Variants in MAS1 observed in about 807,000 individuals in gnomAD.
MAS1 encodes the protein MAS1 proto-oncogene, G protein-coupled receptor.
For synonymous variants in MAS1, 163 were observed against 164.2 expected, an observed-to-expected ratio of 0.99 and a Z score of 0.05; for missense variants, 387 against 409.7, an observed-to-expected ratio of 0.94 and a Z score of 0.48.
chr6:159,907,724 AC>A lies in MAS1; in HGVS notation c.771del (p.Phe258LeufsTer38), dbSNP rs1782912884. The A allele has an allele frequency of 6.2e-7, 1 of 1,613,464 alleles. No homozygotes were observed. The highest frequency in any genetic ancestry group is 8.5e-7 in the Non-Finnish European group (1 of 1,179,924). On this transcript the variant is annotated frameshift_variant, in exon 3 of 3. Transcript: ENST00000674077. LOFTEE classifies it low-confidence loss of function (END_TRUNC). ...CCTGCTGTACTATGAGTATTGGTCGACCTTTGGGAACCTACACCACATTTCC... is the reference window on the plus strand; with the variant it reads ...CCTGCTGTACTATGAGTATTGGTCGACTTTGGGAACCTACACCACATTTCC... ...LYLLYYEYWS[T>X]FGNLHHISLL...
At chr6:159,892,968 C>T (rs1782717459) in intron 1 of MAS1, among the ~76,000 whole-genome samples, 1 of 152,172 alleles carries the variant, frequency 6.6e-6, no homozygotes, top group African/African-American at 2.4e-5. Context: ...GGACTTGCCT[C>T]TCATGGTCAG....
At chr6:159,903,655 T>C (rs1210281923) in intron 2 of MAS1, among the ~76,000 whole-genome samples, 1 of 152,048 alleles carries the variant, frequency 6.6e-6, no homozygotes, top group Non-Finnish European at 1.5e-5. Flanking sequence ...CACAACCACA[T>C]CTACCCACCT....
rs1341232031 is a variant in MAS1, at chr6:159,909,754, G to T, written c.*1821G>T. ...TCGTCTCATCTCTAAGGGGATCTTA[G>T]TCTCAAAGAGGACCCTAAAGACTAT... On this transcript the variant is annotated 3_prime_UTR_variant, in exon 3 of 3. Transcript: ENST00000674077. 1 of 152,086 alleles carries T rather than the reference G, an allele frequency of 6.6e-6. No homozygotes were observed. The highest frequency in any genetic ancestry group is 1.5e-5 in the Non-Finnish European group (1 of 68,024). The allele number at this position is 152,086 out of a possible 1,614,324, so 9.4% of individuals were successfully genotyped here. A position where few individuals can be genotyped will look rare whatever the true frequency, so the allele number is the denominator to read the frequency against.
Position 159,907,649 on chromosome 6 carries a change from G to C in MAS1, c.694G>C (p.Val232Leu). ...CTCCAAGCTTTACATAGTCATCATG[G>C]TCACCATCATTATATTCCTCATCTT... ...HSSKLYIVIM[V>L]TIIIFLIFAM... Residue 232 changes from valine (V) to leucine (L), a missense_variant, in exon 3 of 3, where the codon GTC becomes CTC. By Grantham distance (32) the Val-to-Leu change is conservative. Coordinates refer to ENST00000674077, the MANE Select transcript of MAS1 (RefSeq NM_002377.4). 1 of 1,613,736 alleles carries C rather than the reference G, an allele frequency of 6.2e-7. No homozygotes were observed. Among genetic ancestry groups the C allele is most frequent in the Non-Finnish European group, 8.5e-7 (1 of 1,179,962 alleles).
chr6:159,893,859 G>A (rs1318247727), intron 1 of MAS1, among the ~76,000 whole-genome samples: 1 of 152,092 alleles, frequency 6.6e-6, no homozygotes, highest in Admixed American at 6.5e-5. Flanking sequence ...AAAGGAACCA[G>A]GGCTCCTTGG....
rs569175353 is a variant in MAS1 at position 159,910,584 on chromosome 6, T to G, written c.*2651T>G. On this transcript the variant is annotated 3_prime_UTR_variant, in exon 3 of 3. Transcript: ENST00000674077. ...AGGGCAGGGACGTAGCTTTGCTCAC[T>G]GCTGTAGCCCCAGCTTATTTGCTGT... 1 of 152,274 alleles carries G rather than the reference T, an allele frequency of 6.6e-6. No homozygotes were observed. The highest frequency in any genetic ancestry group is 1.5e-5 in the Non-Finnish European group (1 of 68,082). 9.4% of individuals were successfully genotyped at this position (152,274 alleles called of 1,614,324 possible).
At chr6:159,904,344 C>T (rs562715843) in intron 2 of MAS1, among the ~76,000 whole-genome samples, 2 of 152,326 alleles carry the variant, frequency 1.3e-5, no homozygotes, top group South Asian at 4.1e-4. Context: ...TCCTCCGGCT[C>T]CTGACACTCC....
At position 159,914,289 on chromosome 6, in the gene MAS1, A is replaced by G. The variant is rs1289319994; in HGVS notation, c.*6356A>G. On this transcript the variant is annotated 3_prime_UTR_variant, in exon 3 of 3. Transcript: ENST00000674077. ...TGTTGTCGTTTTCCCCTGAGTTTTC[A>G]CAGTCCTTGCACTTCACGTCGATCC... The G allele has an allele frequency of 6.6e-6, 1 of 151,660 alleles. No homozygotes were observed. Among genetic ancestry groups the G allele is most frequent in the South Asian group, 2.1e-4 (1 of 4,804 alleles). 9.4% of individuals were successfully genotyped at this position (151,660 alleles called of 1,614,324 possible). A position where few individuals can be genotyped will look rare whatever the true frequency, so the allele number is the denominator to read the frequency against.
chr6:159,906,224 C>A (rs773983463), intron 2 of MAS1, among the ~76,000 whole-genome samples: 1 of 152,182 alleles, frequency 6.6e-6, no homozygotes, highest in Non-Finnish European at 1.5e-5. Context: ...TCTGTGGGGA[C>A]GTACATACGT....
intron 2 of MAS1, chr6:159,906,618 C>G (rs573852970): frequency 2.7e-4 from 59 of 219,332 alleles, no homozygotes; most frequent in African/African-American, 1.3e-3. Flanking sequence ...CTCGGCCACT[C>G]TTGCCTGGCC....
chr6:159,897,115 C>T (rs1782762724), intron 1 of MAS1, among the ~76,000 whole-genome samples: 5 of 152,020 alleles, frequency 3.3e-5, no homozygotes. Context: ...ACCTTGTGAT[C>T]CGCCCGCCTC....
In MAS1 at chr6:159,909,747, G is replaced by A. The variant is rs1782944255; in HGVS notation, c.*1814G>A. 6.6e-6 allele frequency: 1 copy of A among 152,122 alleles called. No individual in the cohort carries two copies. Among genetic ancestry groups the A allele is most frequent in the Non-Finnish European group, 1.5e-5 (1 of 68,044 alleles). The allele number at this position is 152,122 out of a possible 1,614,324, so 9.4% of individuals were successfully genotyped here. A position where few individuals can be genotyped will look rare whatever the true frequency, so the allele number is the denominator to read the frequency against. ...GCCAACCTCGTCTCATCTCTAAGGG[G>A]ATCTTAGTCTCAAAGAGGACCCTAA... is the stretch of plus-strand genomic sequence containing the variant. On this transcript the variant is annotated 3_prime_UTR_variant, in exon 3 of 3. Transcript: ENST00000674077.
chr6:159,891,689 T>G (rs1008170802), intron 1 of MAS1, among the ~76,000 whole-genome samples: 15 of 152,230 alleles, frequency 9.9e-5, no homozygotes, highest in Admixed American at 3.3e-4. Context: ...TGCATTCCTT[T>G]GGTGACAAGA....
At chr6:159,892,152 C>G (rs1187259797) in intron 1 of MAS1, among the ~76,000 whole-genome samples, 1 of 152,162 alleles carries the variant, frequency 6.6e-6, no homozygotes, top group Non-Finnish European at 1.5e-5. Flanking sequence ...ACAGATGGCC[C>G]TAGTGTGGGG....
Position 159,907,055 on chromosome 6 carries a change from A to T in MAS1, c.100A>T (p.Ile34Phe). The change falls in exon 3 of 3, where the codon ATC becomes TTC. Residue 34 changes from isoleucine (I) to phenylalanine (F), a missense_variant. Transcript: ENST00000674077. ...SVGNAHRQIPIVHWVIMSISP... is the reference protein window; with the variant it reads ...SVGNAHRQIPFVHWVIMSISP... ...CGGGAATGCACATCGGCAAATCCCC[A>T]TCGTGCACTGGGTCATTATGAGCAT... 1 of 1,614,140 alleles carries T rather than the reference A, an allele frequency of 6.2e-7. No individual in the cohort carries two copies. The highest frequency in any genetic ancestry group is 8.5e-7 in the Non-Finnish European group (1 of 1,179,980).
At chr6:159,890,681 GGTCACATAA>G (rs1300840967), upstream of MAS1, among the ~76,000 whole-genome samples, 6 of 152,316 alleles carry the variant, frequency 3.9e-5, no homozygotes, top group African/African-American at 1.2e-4. Context: ...GCTTGGCAGA[GGTCACATAA>G]CTTATTAGAA....
chr6:159,897,957 A>G (rs1433980698), intron 1 of MAS1, among the ~76,000 whole-genome samples: 4 of 151,620 alleles, frequency 2.6e-5, no homozygotes, highest in Non-Finnish European at 5.9e-5. Context: ...CAGTGGCGCG[A>G]TCTTGGCTCA....
chr6:159,897,729 TATA>T (rs1782769669), intron 1 of MAS1, among the ~76,000 whole-genome samples: 1 of 152,152 alleles, frequency 6.6e-6, no homozygotes, highest in Non-Finnish European at 1.5e-5. Context: ...TTCTCACTGT[TATA>T]ATTTTTGCAA....
rs912011231 is a variant in MAS1 at position 159,907,976 on chromosome 6, T to G, written c.*43T>G. On this transcript the variant is annotated 3_prime_UTR_variant, in exon 3 of 3. Coordinates refer to ENST00000674077, the MANE Select transcript of MAS1 (RefSeq NM_002377.4). ...GTGGATAAAAATGGTGGAACACAGG[T>G]CATTTTTAGTTTGTGCTTGGAATAT... 7.2e-6 allele frequency: 11 copies of G among 1,537,108 alleles called. No homozygotes were observed. The highest frequency in any genetic ancestry group is 2.8e-5 in the African/African-American group (2 of 71,486).
Sources: gnomAD v4.1 joint callset for allele counts (sites outside exome capture counted in the v4.1 genomes callset) on GRCh38, gnomAD v4.1.1 for gene constraint, MANE v1.5 for transcripts, NCBI Gene and HGNC (gene_info 2026-07-23, HGNC 2026-07-21) for gene names.